FANCA: variants seen among roughly 807,000 people sequenced by gnomAD.
FANCA encodes the protein Fanconi anemia group A protein.
A neutral mutation model predicts 194.3 loss-of-function variants in FANCA; 236 were observed. The observed-to-expected ratio is 1.21, with a 90% CI of 1.09 to 1.35. The LOEUF is 1.35. FANCA is among the 40% of genes most tolerant of loss of function. The probability of loss-of-function intolerance (pLI) is 0.00; values close to 1 mark genes in which losing one functional copy is unlikely to be tolerated. For synonymous variants in FANCA, 1,014 were observed against 715.8 expected, an observed-to-expected ratio of 1.42 and a Z score of -6.65; for missense variants, 2,628 against 1,813.9, an observed-to-expected ratio of 1.45 and a Z score of -8.15.
At chr16:89,794,851 A>C (rs1479707933) in intron 11 of FANCA, among the ~76,000 whole-genome samples, 1 of 152,208 alleles carries the variant, frequency 6.6e-6, no homozygotes, top group Non-Finnish European at 1.5e-5. Context: ...TGGGCCATCA[A>C]ACACGCCACC....
At chr16:89,813,489 A>G (rs1395287767) in intron 3 of FANCA, among the ~76,000 whole-genome samples, 5 of 151,700 alleles carry the variant, frequency 3.3e-5, no homozygotes, top group Non-Finnish European at 7.4e-5. Context: ...CTGGAGTGCA[A>G]TGGAGGGGTC....
At chr16:89,761,402 G>C (rs2038946968) in intron 29 of FANCA, among the ~76,000 whole-genome samples, 3 of 136,302 alleles carry the variant, frequency 2.2e-5, no homozygotes, top group South Asian at 4.8e-4. Flanking sequence ...CTGGGTGACA[G>C]AGCAAGACTC....
At chr16:89,798,824 A>G in intron 10 of FANCA, 1 of 1,472,190 alleles carries the variant, frequency 6.8e-7, no homozygotes, top group South Asian at 1.4e-5. Flanking sequence ...GGCCAGCTCT[A>G]GAGCCTGAAT....
At chr16:89,740,199 C>T (rs1042575838) in intron 38 of FANCA, 100 bp from the exon 39 acceptor site, 3 of 970,250 alleles carry the variant, frequency 3.1e-6, no homozygotes, top group Non-Finnish European at 5.0e-6. Context: ...TTCCTCTTTG[C>T]TTATTGTAAG....
chr16:89,791,472 C>T lies in FANCA; in HGVS notation c.1290G>A (p.Ala430=), dbSNP rs1800332. The T allele has an allele frequency of 5.2e-3, 8,418 of 1,614,136 alleles. 424 individuals are homozygous for T. In the African/African-American group the frequency reaches 0.099, roughly 19 times the overall value. ...ESCQLDSMVT[A]FLVVRQAALE... ...GTGCTGCCTGGCGCACAACCAGGAA[C>T]GCAGTGACCATGCTGTCCAGCTGGC... The change falls in exon 14 of 43, where the codon GCG becomes GCA. Residue 430 remains alanine, a synonymous_variant. Coordinates refer to ENST00000389301, the MANE Select transcript of FANCA (RefSeq NM_000135.4).
At chr16:89,797,974 T>C (rs1432260216) in intron 10 of FANCA, among the ~76,000 whole-genome samples, 1 of 152,128 alleles carries the variant, frequency 6.6e-6, no homozygotes, top group Non-Finnish European at 1.5e-5. Context: ...GTTACCTGAC[T>C]CTCAGGACAT....
intron 10 of FANCA, 45 bp from the exon 11 acceptor site, chr16:89,796,063 T>A (rs761785506): frequency 4.9e-6 from 7 of 1,426,366 alleles, no homozygotes; most frequent in East Asian, 2.3e-5. Flanking sequence ...GAGGGTGCCT[T>A]GCACGCCACC....
At chr16:89,749,338 G>A (rs1158981300) in intron 32 of FANCA, among the ~76,000 whole-genome samples, 1 of 152,228 alleles carries the variant, frequency 6.6e-6, no homozygotes, top group Non-Finnish European at 1.5e-5. Context: ...TCAGTCTCCC[G>A]AGTAGCTGGG....
rs1232228823 is a variant in FANCA at position 89,791,468 on chromosome 16, G to A, written c.1294C>T (p.Leu432=). The change falls in exon 14 of 43, where the codon CTG becomes TTG. Residue 432 remains leucine (L), a synonymous_variant. Transcript: ENST00000389301. ...CQLDSMVTAF[L]VVRQAALEGP... The stretch of plus-strand genomic sequence containing the variant: ...TCCAGTGCTGCCTGGCGCACAACCA[G>A]GAACGCAGTGACCATGCTGTCCAGC... 1.9e-6 allele frequency: 3 copies of A among 1,614,158 alleles called. No homozygotes were observed. Among genetic ancestry groups the A allele is most frequent in the Non-Finnish European group, 2.5e-6 (3 of 1,180,040 alleles).
Position 89,738,524 on chromosome 16 carries a change from T to G in FANCA, c.*77A>C. Reference sequence around the variant, plus strand: ...AGGAGATTTGTAATCCACTTTTTAGTGCAACAAGAGCTCCATGTTATGCTT... The same window carrying G: ...AGGAGATTTGTAATCCACTTTTTAGGGCAACAAGAGCTCCATGTTATGCTT... On this transcript the variant is annotated 3_prime_UTR_variant, in exon 43 of 43. Coordinates refer to ENST00000389301, the MANE Select transcript of FANCA (RefSeq NM_000135.4). 1.9e-6 allele frequency: 3 copies of G among 1,599,428 alleles called. No homozygotes were observed. The highest frequency in any genetic ancestry group is 2.6e-6 in the Non-Finnish European group (3 of 1,169,442).
At chr16:89,792,288 G>A (rs1300008393) in intron 12 of FANCA, among the ~76,000 whole-genome samples, 183 bp downstream of exon 12, 6 of 152,154 alleles carry the variant, frequency 3.9e-5, no homozygotes, top group African/African-American at 1.2e-4. Context: ...GGAGGGGCTC[G>A]GCCCAAGGGA....
chr16:89,744,863 C>T, intron 36 of FANCA, 96 bp downstream of exon 36: 2 of 1,155,426 alleles, frequency 1.7e-6, no homozygotes, highest in Non-Finnish European at 2.5e-6. Context: ...GCCCACACCG[C>T]TTCTCTCAAG....
chr16:89,786,244 C>T (rs1364237169), intron 14 of FANCA, among the ~76,000 whole-genome samples: 4 of 151,972 alleles, frequency 2.6e-5, no homozygotes, highest in Admixed American at 6.6e-5. Context: ...AGCGCAGTGG[C>T]GTAATCTCGG....
At chr16:89,764,096 G>C (rs545446548) in intron 28 of FANCA, among the ~76,000 whole-genome samples, 2 of 151,508 alleles carry the variant, frequency 1.3e-5, no homozygotes, top group East Asian at 2.0e-4. Context: ...ACCAAAATTA[G>C]TCGGGCGTGG....
intron 18 of FANCA, 40 bp from the exon 19 acceptor site, chr16:89,779,043 G>A: frequency 2.5e-6 from 4 of 1,598,438 alleles, no homozygotes; most frequent in Non-Finnish European, 3.4e-6. Context: ...AGTCAGAGCA[G>A]CGAGAAGGCA....
intron 5 of FANCA, among the ~76,000 whole-genome samples, chr16:89,808,604 C>G (rs1478375116): frequency 6.6e-6 from 1 of 152,064 alleles, no homozygotes; most frequent in Non-Finnish European, 1.5e-5. Context: ...ACACTTGCTT[C>G]TCTTCCTTCT....
chr16:89,814,924 G>T (rs1351331563), intron 2 of FANCA, among the ~76,000 whole-genome samples: 1 of 152,070 alleles, frequency 6.6e-6, no homozygotes, highest in Non-Finnish European at 1.5e-5. Context: ...CCAGGCTACA[G>T]TGTGAGACTT....
chr16:89,778,091 G>C (rs1598125407), intron 20 of FANCA, among the ~76,000 whole-genome samples: 1 of 150,150 alleles, frequency 6.7e-6, no homozygotes, highest in East Asian at 2.0e-4. Context: ...GAACCCAGGA[G>C]GTGGAGGGTG....
At chr16:89,768,545 A>G (rs958156439) in intron 26 of FANCA, among the ~76,000 whole-genome samples, 2 of 152,068 alleles carry the variant, frequency 1.3e-5, no homozygotes, top group South Asian at 2.1e-4. Flanking sequence ...AGTCTCAGCT[A>G]CTCAGGAAGC....
Sources: allele counts gnomAD v4.1 joint callset (sites outside exome capture counted in the v4.1 genomes callset), GRCh38; gene constraint gnomAD v4.1.1; transcripts MANE v1.5; gene names NCBI Gene and HGNC (gene_info 2026-07-23, HGNC 2026-07-21).